TENM3: variants seen among roughly 807,000 people sequenced by gnomAD.
TENM3 encodes teneurin transmembrane protein 3.
TENM3 carries 63 observed loss-of-function variants against 255.1 expected under a neutral mutation model. The observed-to-expected ratio is 0.25, with a 90% CI of 0.20 to 0.30. The LOEUF (loss-of-function observed/expected upper bound fraction) is 0.30, where lower values mean the gene tolerates loss of function less well. TENM3 is among the 10% of genes least tolerant of loss of function. The pLI is 1.00. For synonymous variants in TENM3, 1,306 were observed against 1,322.3 expected (o/e 0.99, Z 0.27); for missense variants, 2,929 against 3,461.1 (o/e 0.85, Z 3.86).
chr4:182,397,751 T>G (rs1768944520), intron 3 of TENM3, among the ~76,000 whole-genome samples: 1 of 152,110 alleles, frequency 6.6e-6, no homozygotes, highest in African/African-American at 2.4e-5. Flanking sequence ...TAAAACAAAT[T>G]GCTGGGCCCC....
At chr4:182,059,679 C>A in the TENM3 span, among the ~76,000 whole-genome samples, 1 of 125,978 alleles carries the variant, frequency 7.9e-6, no homozygotes, top group Admixed American at 1.0e-4. Context: ...GAGGCCAAGG[C>A]GGGAGGATTG....
At chr4:182,538,609 C>T (rs1740565754) in intron 3 of TENM3, among the ~76,000 whole-genome samples, 1 of 151,990 alleles carries the variant, frequency 6.6e-6, no homozygotes, top group African/African-American at 2.4e-5. Flanking sequence ...GTAAACAGTG[C>T]TGGGGGTTAG....
chr4:182,375,056 GATC>G (rs1293045046), intron 3 of TENM3, among the ~76,000 whole-genome samples: 1 of 152,048 alleles, frequency 6.6e-6, no homozygotes, highest in Non-Finnish European at 1.5e-5. Context: ...ACTCTTTGCA[GATC>G]AAAATCCTTC....
chr4:182,329,220 C>T (rs1331182681), intron 2 of TENM3, among the ~76,000 whole-genome samples: 2 of 152,124 alleles, frequency 1.3e-5, no homozygotes, highest in African/African-American at 4.8e-5. Flanking sequence ...AAGTGTTTTC[C>T]GCTTTGTGCC....
At chr4:181,752,343 A>G in the TENM3 span, among the ~76,000 whole-genome samples, 1 of 152,162 alleles carries the variant, frequency 6.6e-6, no homozygotes, top group East Asian at 1.9e-4. Context: ...TCAGGTTAGG[A>G]GTTTGAGACC....
chr4:182,086,438 C>T, the TENM3 span, among the ~76,000 whole-genome samples: 1 of 152,184 alleles, frequency 6.6e-6, no homozygotes, highest in Admixed American at 6.5e-5. Flanking sequence ...TGTGTCTTTT[C>T]TTGCCACGTG....
intron 26 of TENM3, among the ~76,000 whole-genome samples, chr4:182,795,792 C>T (rs1348391163): frequency 6.6e-6 from 1 of 152,166 alleles, no homozygotes; most frequent in Admixed American, 6.5e-5. Context: ...AGAGATGGAA[C>T]AGCATAAAAT....
At chr4:182,542,851 A>G (rs1401499226) in intron 3 of TENM3, among the ~76,000 whole-genome samples, 1 of 152,188 alleles carries the variant, frequency 6.6e-6, no homozygotes, top group Admixed American at 6.5e-5. Flanking sequence ...ATCACTGTAA[A>G]TGAAAGTTTA....
At chr4:181,628,427 G>C in the TENM3 span, among the ~76,000 whole-genome samples, 1 of 152,146 alleles carries the variant, frequency 6.6e-6, no homozygotes, top group Non-Finnish European at 1.5e-5. Context: ...GTCCTGAATG[G>C]TATTGCCTAG....
chr4:181,526,453 G>T, the TENM3 span, among the ~76,000 whole-genome samples: 1 of 152,140 alleles, frequency 6.6e-6, no homozygotes, highest in Non-Finnish European at 1.5e-5. Flanking sequence ...AGCCAGGAGA[G>T]ATTGGAAGTT....
At chr4:181,800,553 A>G in the TENM3 span, among the ~76,000 whole-genome samples, 1 of 152,130 alleles carries the variant, frequency 6.6e-6, no homozygotes, top group East Asian at 1.9e-4. Flanking sequence ...GAACTGCTTG[A>G]ACCCGGGAGG....
chr4:181,864,357 C>T, the TENM3 span, among the ~76,000 whole-genome samples: 2 of 151,888 alleles, frequency 1.3e-5, no homozygotes, highest in Non-Finnish European at 2.9e-5. Flanking sequence ...GAAGCTGTTC[C>T]CAGATGGAGA....
At chr4:182,243,282 T>G (rs1384945360), upstream of TENM3, 1 of 152,214 alleles carries the variant, frequency 6.6e-6, no homozygotes, top group East Asian at 1.9e-4. Flanking sequence ...GCCCAGATAA[T>G]TTTTGTATTT....
At chr4:181,978,135 G>A in the TENM3 span, among the ~76,000 whole-genome samples, 2 of 152,174 alleles carry the variant, frequency 1.3e-5, no homozygotes, top group South Asian at 4.1e-4. Context: ...TCATTTTAAA[G>A]TAGCTGAAAG....
At chr4:182,641,779 G>A (rs1258339918) in intron 5 of TENM3, among the ~76,000 whole-genome samples, 3 of 152,082 alleles carry the variant, frequency 2.0e-5, no homozygotes, top group Middle Eastern at 3.2e-3. Context: ...CACCTGCTTC[G>A]GCCTCCCAAA....
chr4:181,893,827 G>A, the TENM3 span, among the ~76,000 whole-genome samples: 5 of 151,972 alleles, frequency 3.3e-5, no homozygotes, highest in East Asian at 1.9e-4. Flanking sequence ...GAGCCATCCC[G>A]ATATTTTACC....
the TENM3 span, among the ~76,000 whole-genome samples, chr4:181,688,550 A>T: frequency 5.3e-5 from 8 of 152,254 alleles, no homozygotes; most frequent in Non-Finnish European, 1.2e-4. Context: ...AGTACGTGTC[A>T]TTGTGTCTCA....
the TENM3 span, among the ~76,000 whole-genome samples, chr4:182,014,409 C>T: frequency 1.4e-4 from 21 of 151,910 alleles, no homozygotes; most frequent in African/African-American, 4.8e-4. Context: ...TCGGAATCCA[C>T]GCCATAGCCA....
the TENM3 span, among the ~76,000 whole-genome samples, chr4:181,529,318 A>G: frequency 2.0e-5 from 3 of 152,214 alleles, no homozygotes. Flanking sequence ...TAGATCTAGA[A>G]TCCAGAAGGA....
Sources: gnomAD v4.1 joint callset for allele counts (sites outside exome capture counted in the v4.1 genomes callset) on GRCh38, gnomAD v4.1.1 for gene constraint, MANE v1.5 for transcripts, NCBI Gene and HGNC (gene_info 2026-07-23, HGNC 2026-07-21) for gene names.